ATP8B4: variants seen among roughly 807,000 people sequenced by gnomAD.
ATP8B4 encodes probable phospholipid-transporting ATPase IM.
ATP8B4 carries 133 observed loss-of-function variants against 145.6 expected under a neutral mutation model. The ratio of observed to expected loss-of-function variants is 0.91; its 90% CI spans 0.79 to 1.05. The LOEUF is 1.05. Among genes scored for constraint, ATP8B4 ranks in the 50% least tolerant of loss-of-function variants. ATP8B4 has a pLI of 0.00. For missense variants in ATP8B4, 1,458 were observed against 1,425.2 expected (o/e 1.02, Z -0.37); for synonymous variants, 507 against 492.9 (o/e 1.03, Z -0.38).
intron 3 of ATP8B4, among the ~76,000 whole-genome samples, chr15:50,057,215 G>C (rs1236650976): frequency 1.3e-5 from 2 of 152,182 alleles, no homozygotes; most frequent in African/African-American, 4.8e-5. Context: ...AGTGACACCA[G>C]ATAATGGTAT....
intron 1 of ATP8B4, among the ~76,000 whole-genome samples, chr15:50,150,557 C>T (rs368552411): frequency 2.0e-5 from 3 of 152,298 alleles, no homozygotes; most frequent in Non-Finnish European, 2.9e-5. Flanking sequence ...TTGGTGACTA[C>T]GAGTCATACT....
At chr15:49,996,261 A>G (rs1429937486) in intron 9 of ATP8B4, among the ~76,000 whole-genome samples, 1 of 152,122 alleles carries the variant, frequency 6.6e-6, no homozygotes, top group African/African-American at 2.4e-5. Flanking sequence ...AGGCAGGATG[A>G]CTGTCTTCAT....
At chr15:49,976,998 T>C (rs1010879283) in intron 12 of ATP8B4, among the ~76,000 whole-genome samples, 1 of 152,082 alleles carries the variant, frequency 6.6e-6, no homozygotes, top group Non-Finnish European at 1.5e-5. Flanking sequence ...ATGGCTGCAT[T>C]TCTTAAGATT....
intron 20 of ATP8B4, among the ~76,000 whole-genome samples, chr15:49,906,172 G>A (rs968582044): frequency 6.6e-6 from 1 of 152,042 alleles, no homozygotes; most frequent in Non-Finnish European, 1.5e-5. Flanking sequence ...GGTTATTTGA[G>A]CTATTTCTCA....
intron 1 of ATP8B4, among the ~76,000 whole-genome samples, chr15:50,132,480 G>A (rs977775359): frequency 6.6e-6 from 1 of 152,154 alleles, no homozygotes; most frequent in African/African-American, 2.4e-5. Flanking sequence ...CAGAGGATGT[G>A]GAGAAATAGG....
At chr15:50,148,835 A>C (rs2044310878) in intron 1 of ATP8B4, among the ~76,000 whole-genome samples, 1 of 152,214 alleles carries the variant, frequency 6.6e-6, no homozygotes, top group Non-Finnish European at 1.5e-5. Flanking sequence ...AAGTTTCCCA[A>C]GTGTTATAAT....
chr15:50,079,344 A>G (rs2054395390), intron 2 of ATP8B4, among the ~76,000 whole-genome samples: 1 of 152,246 alleles, frequency 6.6e-6, no homozygotes, highest in African/African-American at 2.4e-5. Context: ...AACCAGAGTC[A>G]AGAATGATAA....
intron 2 of ATP8B4, among the ~76,000 whole-genome samples, chr15:50,093,604 TAAC>T (rs558696826): frequency 1.5e-3 from 231 of 152,042 alleles, no homozygotes; most frequent in African/African-American, 5.2e-3. Flanking sequence ...AATCAATGAA[TAAC>T]AACAAATATT....
At chr15:50,003,903 C>T (rs1488591562) in intron 7 of ATP8B4, among the ~76,000 whole-genome samples, 35 of 152,122 alleles carry the variant, frequency 2.3e-4, no homozygotes. Context: ...GTGACTGAGG[C>T]GCCACTGCCA....
At chr15:49,931,758 T>C (rs1468573582) in intron 15 of ATP8B4, among the ~76,000 whole-genome samples, 1 of 151,958 alleles carries the variant, frequency 6.6e-6, no homozygotes, top group African/African-American at 2.4e-5. Context: ...CTGAAAGAGG[T>C]TACATGAGTT....
At chr15:50,059,246 T>A (rs1185605249) in intron 3 of ATP8B4, among the ~76,000 whole-genome samples, 1 of 152,162 alleles carries the variant, frequency 6.6e-6, no homozygotes, top group African/African-American at 2.4e-5. Flanking sequence ...ATGTGGATGC[T>A]GAGCAGAGCA....
At chr15:50,111,788 T>C (rs1255318819) in intron 1 of ATP8B4, among the ~76,000 whole-genome samples, 2 of 152,186 alleles carry the variant, frequency 1.3e-5, no homozygotes, top group South Asian at 2.1e-4. Flanking sequence ...AGACCATTGA[T>C]GTCTCTTTGT....
chr15:50,080,123 C>A (rs1235502761), intron 2 of ATP8B4, among the ~76,000 whole-genome samples: 26 of 152,148 alleles, frequency 1.7e-4, no homozygotes, highest in Admixed American at 1.7e-3. Context: ...AAGTGCTACT[C>A]CATATAGGAT....
At chr15:49,906,442 A>C (rs2038637550) in intron 20 of ATP8B4, among the ~76,000 whole-genome samples, 1 of 152,180 alleles carries the variant, frequency 6.6e-6, no homozygotes, top group Admixed American at 6.5e-5. Context: ...AGCCAACCAA[A>C]TGTAGTTGGA....
intron 1 of ATP8B4, among the ~76,000 whole-genome samples, chr15:50,173,871 G>A (rs1461141000): frequency 6.6e-6 from 1 of 152,162 alleles, no homozygotes; most frequent in Non-Finnish European, 1.5e-5. Flanking sequence ...TATCCTGGAT[G>A]AACATAGATG....
chr15:50,150,884 A>T (rs1305098851), intron 1 of ATP8B4, among the ~76,000 whole-genome samples: 1 of 152,232 alleles, frequency 6.6e-6, no homozygotes, highest in Non-Finnish European at 1.5e-5. Context: ...TCAAATGACC[A>T]TTATCCTGTA....
intron 21 of ATP8B4, among the ~76,000 whole-genome samples, chr15:49,899,499 A>G (rs1471347899): frequency 6.6e-6 from 1 of 152,214 alleles, no homozygotes; most frequent in Non-Finnish European, 1.5e-5. Flanking sequence ...ATATAAAAAC[A>G]TAACTCAGTA....
chr15:50,007,752 T>C (rs1033101018), intron 7 of ATP8B4, among the ~76,000 whole-genome samples: 1 of 152,090 alleles, frequency 6.6e-6, no homozygotes, highest in Admixed American at 6.6e-5. Context: ...TGCCAGCTGA[T>C]ACCAGAGTGC....
chr15:49,917,023 G>A lies in ATP8B4; in HGVS notation c.2052C>T (p.Ile684=), dbSNP rs367588435. The change falls in exon 20 of 28, where the codon ATC becomes ATT. Residue 684 remains isoleucine, a synonymous_variant. Coordinates refer to ENST00000284509, the MANE Select transcript of ATP8B4 (RefSeq NM_024837.4). ...TGDKQETAIN[I]GYACNMLTDD... is the part of the protein sequence containing the mutation. ...CAGTCAGCATGTTGCAGGCATAACC[G>A]ATGTTGATGGCAGTTTCTAACACAA... 3.1e-6 allele frequency: 5 copies of A among 1,613,810 alleles called. No homozygotes were observed. Among genetic ancestry groups the A allele is most frequent in the South Asian group, 2.2e-5 (2 of 91,042 alleles).
Sources: allele counts gnomAD v4.1 joint callset (sites outside exome capture counted in the v4.1 genomes callset), GRCh38; gene constraint gnomAD v4.1.1; transcripts MANE v1.5; gene names NCBI Gene and HGNC (gene_info 2026-07-23, HGNC 2026-07-21).